Variants in LSS observed in about 807,000 individuals in gnomAD.
LSS encodes the protein 2,3-epoxysqualene-lanosterol cyclase.
LSS carries 90 observed loss-of-function variants against 110.3 expected under a neutral mutation model. The observed-to-expected ratio is 0.82, with a 90% CI of 0.69 to 0.97. The LOEUF is 0.97. LSS is among the 50% of genes least tolerant of loss of function. LSS has a pLI of 0.00. For missense variants in LSS, 927 were observed against 990.0 expected, an observed-to-expected ratio of 0.94 and a Z score of 0.85; for synonymous variants, 433 against 400.0, an observed-to-expected ratio of 1.08 and a Z score of -0.98.
intron 20 of LSS, chr21:46,192,791 CAT>C (rs747911775): frequency 2.3e-6 from 1 of 441,574 alleles, no homozygotes; most frequent in South Asian, 1.6e-5. Flanking sequence ...TACATGTGTG[CAT>C]AGACCTGTGT....
Position 46,210,716 on chromosome 21 carries a change from G to T in LSS, c.1166C>A (p.Thr389Asn). The part of the protein sequence containing the change: ...QGTNGSQIWD[T>N]AFAIQALLEA... ...AAGCAGAGCCTGGATGGCGAATGCG[G>T]TGTCCCAGATCTGTGAGCCGTTGGT... Residue 389 changes from threonine to asparagine, a missense_variant, in exon 12 of 22, where the codon ACC becomes AAC. Coordinates refer to ENST00000397728, the MANE Select transcript of LSS (RefSeq NM_002340.6). The T allele has an allele frequency of 6.2e-7, 1 of 1,614,086 alleles. No homozygotes were observed. The highest frequency in any genetic ancestry group is 1.7e-4 in the Middle Eastern group (1 of 6,060).
chr21:46,217,366 G>A (rs2080220709), intron 6 of LSS, among the ~76,000 whole-genome samples: 1 of 152,050 alleles, frequency 6.6e-6, no homozygotes, highest in Admixed American at 6.5e-5. Context: ...CAGCTTCCCA[G>A]GGTCTGTGTG....
intron 20 of LSS, 44 bp from the exon 21 acceptor site, chr21:46,192,003 C>T (rs1475228579): frequency 2.2e-6 from 3 of 1,388,838 alleles, no homozygotes; most frequent in South Asian, 2.4e-5. Context: ...TGCATGCCCC[C>T]ACAGCATCAT....
Position 46,189,637 on chromosome 21 carries a change from A to G in LSS, c.*1467T>C. ...GGGGTGCCCCTGAAGGACTCTGGGC[A>G]GGCAATGACAGGATCTGAGGGTGTC... On this transcript the variant is annotated 3_prime_UTR_variant, in exon 22 of 22. Transcript: ENST00000397728. 1 of 455,866 alleles carries G rather than the reference A, an allele frequency of 2.2e-6. No homozygotes were observed. Among genetic ancestry groups the G allele is most frequent in the Non-Finnish European group, 4.4e-6 (1 of 226,818 alleles). The allele number at this position is 455,866 out of a possible 1,614,324, so 28.2% of individuals were successfully genotyped here.
intron 20 of LSS, chr21:46,192,287 C>T (rs2079827906): frequency 4.4e-6 from 2 of 453,828 alleles, no homozygotes; most frequent in Non-Finnish European, 8.1e-6. Flanking sequence ...TCTGGAGACC[C>T]ACAGGAGCTC....
At position 46,205,838 on chromosome 21, in the gene LSS, G is replaced by T; in HGVS notation, c.1668C>A (p.Ile556=). ...TGAATGGCTGAGACCCTCCTTACCGGATCTCCGCTGCCCTGTGCTCCGGGA... is the reference window on the plus strand; with the variant it reads ...TGAATGGCTGAGACCCTCCTTACCGTATCTCCGCTGCCCTGTGCTCCGGGA... ...KRFPEHRAAE[I]RETLTQGLEF... The change falls in exon 17 of 22, where the codon ATC becomes ATA. Residue 556 remains isoleucine (I), a splice_region_variant and synonymous_variant. Coordinates refer to ENST00000397728, the MANE Select transcript of LSS (RefSeq NM_002340.6). 6.2e-7 allele frequency: 1 copy of T among 1,600,652 alleles called. No individual in the cohort carries two copies. Among genetic ancestry groups the T allele is most frequent in the African/African-American group, 1.3e-5 (1 of 74,968 alleles).
chr21:46,217,303 C>A (rs540216392), intron 6 of LSS, among the ~76,000 whole-genome samples: 1 of 145,458 alleles, frequency 6.9e-6, no homozygotes, highest in Admixed American at 7.1e-5. Flanking sequence ...TGTGGAATCT[C>A]CCCAAGGCCT....
Position 46,194,551 on chromosome 21 carries a change from T to C in LSS, c.1928A>G (p.Gln643Arg). 1 of 1,613,860 alleles carries C rather than the reference T, an allele frequency of 6.2e-7. No homozygotes were observed. Among genetic ancestry groups the C allele is most frequent in the Middle Eastern group, 1.7e-4 (1 of 6,060 alleles). ...FESCEERRYL[Q>R]SAQSQIHNTC... is the part of the protein sequence containing the mutation. ...GTTATGGATCTGGGACTGGGCACTC[T>C]GCAAATAACGCCGCTCCTCGCAGGA... The change falls in exon 20 of 22, where the codon CAG becomes CGG. Residue 643 changes from glutamine (Q) to arginine (R), a missense_variant. Physicochemically the swap from Gln to Arg is conservative, Grantham distance 43. Coordinates refer to ENST00000397728, the MANE Select transcript of LSS (RefSeq NM_002340.6).
In LSS at chr21:46,188,993, C is replaced by T. The variant is rs2079767804; in HGVS notation, c.*2111G>A. The T allele has an allele frequency of 5.7e-6, 2 of 347,900 alleles. No homozygotes were observed. The highest frequency in any genetic ancestry group is 4.3e-5 in the African/African-American group (2 of 46,614). 21.6% of individuals were successfully genotyped at this position (347,900 alleles called of 1,614,324 possible). A position where few individuals can be genotyped will look rare whatever the true frequency, so the allele number is the denominator to read the frequency against. ...AGGTAACTGGAGACGCACCCTGCTACTCCTCACGTCACTCTTGTTCCCTAA... is the reference window on the plus strand; with the variant it reads ...AGGTAACTGGAGACGCACCCTGCTATTCCTCACGTCACTCTTGTTCCCTAA... On this transcript the variant is annotated 3_prime_UTR_variant, in exon 22 of 22. Coordinates refer to ENST00000397728, the MANE Select transcript of LSS (RefSeq NM_002340.6).
At chr21:46,214,689 A>C (rs1345484080) in intron 9 of LSS, among the ~76,000 whole-genome samples, 1 of 152,158 alleles carries the variant, frequency 6.6e-6, no homozygotes, top group Non-Finnish European at 1.5e-5. Flanking sequence ...TGAACTGGCC[A>C]CACCTGGACC....
At chr21:46,222,276 A>T (rs2080288525) in intron 4 of LSS, 1 of 527,924 alleles carries the variant, frequency 1.9e-6, no homozygotes. Flanking sequence ...TCTGCTCCCA[A>T]AGTGTGTGCC....
intron 17 of LSS, among the ~76,000 whole-genome samples, chr21:46,201,214 T>G (rs1181587006): frequency 8.5e-5 from 2 of 23,604 alleles, no homozygotes. Context: ...CTGGATCACG[T>G]GGGAGGACAG....
chr21:46,211,276 G>A (rs188365136), intron 11 of LSS, among the ~76,000 whole-genome samples: 33 of 152,288 alleles, frequency 2.2e-4, no homozygotes, highest in Middle Eastern at 3.4e-3. Context: ...ACAGGCTCCT[G>A]CCAGCACACC....
In LSS at chr21:46,204,891, C is replaced by T. The variant is rs568530260; in HGVS notation, c.1670+945G>A. Among the ~76,000 whole-genome samples, 8 of 152,192 alleles carry T rather than the reference C, an allele frequency of 5.3e-5. No homozygotes were observed. The East Asian group carries it at 1.3e-3, about 26-fold the overall frequency. On this transcript the variant is annotated intron_variant, in intron 17 of 21. Coordinates refer to ENST00000397728, the MANE Select transcript of LSS (RefSeq NM_002340.6). The stretch of plus-strand genomic sequence containing the variant: ...AATTATAGACCAGCGTCTCTTGTAA[C>T]CAGAGTTGCTAAAATCCTAACAAAA...
In LSS at chr21:46,219,581, G is replaced by C; in HGVS notation, c.551-9C>G. The C allele has an allele frequency of 1.3e-6, 2 of 1,542,714 alleles. No homozygotes were observed. Among genetic ancestry groups the C allele is most frequent in the Non-Finnish European group, 1.8e-6 (2 of 1,134,714 alleles). On this transcript the variant is annotated splice_polypyrimidine_tract_variant and intron_variant, in intron 5 of 21. Transcript: ENST00000397728. ...GATGGCCACAGCACCACCTGAGCGGGGAGAGAATAGGCCCACGTCATCTGC... is the reference window on the plus strand; with the variant it reads ...GATGGCCACAGCACCACCTGAGCGGCGAGAGAATAGGCCCACGTCATCTGC...
intron 19 of LSS, among the ~76,000 whole-genome samples, chr21:46,195,468 G>A (rs1003037866): frequency 3.3e-5 from 5 of 152,168 alleles, no homozygotes; most frequent in African/African-American, 9.7e-5. Context: ...CCAGCTACTC[G>A]GGAGGATCGC....
rs191068311 is a variant in LSS, at chr21:46,202,494, A to C, written c.1670+3342T>G. Among the ~76,000 whole-genome samples, 18 of 152,266 alleles carry C rather than the reference A, an allele frequency of 1.2e-4. 1 individual carries two copies. Among genetic ancestry groups the C allele is most frequent in the African/African-American group, 4.3e-4 (18 of 41,580 alleles). ...AAACTTATGTTCATACTCCCTAAAGAGATAAAAAGAACAAAGAAATTGAGG... is the reference window on the plus strand; with the variant it reads ...AAACTTATGTTCATACTCCCTAAAGCGATAAAAAGAACAAAGAAATTGAGG... On this transcript the variant is annotated intron_variant, in intron 17 of 21. Transcript: ENST00000397728.
At chr21:46,205,758 C>T (rs2080038882) in intron 17 of LSS, 78 bp downstream of exon 17, 6 of 1,122,058 alleles carry the variant, frequency 5.3e-6, no homozygotes, top group East Asian at 2.6e-5. Flanking sequence ...CCACCAGGGC[C>T]GTGTCACAGA....
At chr21:46,207,195 G>A (rs938796641) in intron 15 of LSS, among the ~76,000 whole-genome samples, 1 of 152,234 alleles carries the variant, frequency 6.6e-6, no homozygotes, top group Non-Finnish European at 1.5e-5. Context: ...AAGTATCGGT[G>A]GCTGGGCTGG....
Sources: allele counts gnomAD v4.1 joint callset (sites outside exome capture counted in the v4.1 genomes callset), GRCh38; gene constraint gnomAD v4.1.1; transcripts MANE v1.5; gene names NCBI Gene and HGNC (gene_info 2026-07-23, HGNC 2026-07-21).